Variants in BIRC6 observed in about 807,000 individuals in gnomAD.
BIRC6 encodes the protein dual E2 ubiquitin-conjugating enzyme/E3 ubiquitin-protein ligase BIRC6.
BIRC6 carries 98 observed loss-of-function variants against 503.3 expected under a neutral mutation model. The observed-to-expected ratio is 0.19, with a 90% CI of 0.17 to 0.23. BIRC6 has a LOEUF of 0.23. Among genes scored for constraint, BIRC6 ranks in the 10% least tolerant of loss-of-function variants. The pLI is 1.00. For synonymous variants in BIRC6, 2,240 were observed against 2,078.7 expected (o/e 1.08, Z -2.11); for missense variants, 5,360 against 5,806.0 (o/e 0.92, Z 2.50).
chr2:32,568,406 T>A (rs2059680325), intron 65 of BIRC6, among the ~76,000 whole-genome samples: 1 of 139,082 alleles, frequency 7.2e-6, no homozygotes, highest in Non-Finnish European at 1.5e-5. Flanking sequence ...GGCAGGAGGA[T>A]CCTTGAGCCC....
At chr2:32,414,166 A>G (rs1003287202) in intron 9 of BIRC6, among the ~76,000 whole-genome samples, 3 of 151,980 alleles carry the variant, frequency 2.0e-5, no homozygotes, top group Non-Finnish European at 2.9e-5. Context: ...TGGCACAGCT[A>G]TTCTTGCGGC....
At chr2:32,500,132 T>C in intron 46 of BIRC6, 23 bp downstream of exon 46, 1 of 1,547,828 alleles carries the variant, frequency 6.5e-7, no homozygotes, top group South Asian at 1.2e-5. Flanking sequence ...AATATTAATC[T>C]TACCATTGTC....
At chr2:32,529,893 T>C (rs1019283709) in intron 60 of BIRC6, 69 bp downstream of exon 60, 1 of 947,814 alleles carries the variant, frequency 1.1e-6, no homozygotes. Flanking sequence ...CTATAGCTAA[T>C]GACTTAATTG....
intron 61 of BIRC6, among the ~76,000 whole-genome samples, chr2:32,538,077 A>G (rs2057378328): frequency 6.6e-6 from 1 of 152,200 alleles, no homozygotes; most frequent in African/African-American, 2.4e-5. Flanking sequence ...CAATTCAGTA[A>G]TATTAGCGTC....
Position 32,357,541 on chromosome 2 carries a change from C to G in BIRC6, c.325+55C>G. On this transcript the variant is annotated intron_variant, in intron 1 of 73. Coordinates refer to ENST00000421745, the MANE Select transcript of BIRC6 (RefSeq NM_016252.4). This position sits in a 1 kb window ranked among gnomAD's most constrained non-coding sequence, Gnocchi z 4.9. ...AAGCCGGGGAAAGAAGCCGTCCAGCCCCGGGGCTCGGCCTCGCGACTCGGG... is the reference window on the plus strand; with the variant it reads ...AAGCCGGGGAAAGAAGCCGTCCAGCGCCGGGGCTCGGCCTCGCGACTCGGG... The G allele has an allele frequency of 6.6e-7, 1 of 1,513,836 alleles. No homozygotes were observed. Among genetic ancestry groups the G allele is most frequent in the South Asian group, 1.2e-5 (1 of 80,984 alleles). 93.8% of individuals were successfully genotyped at this position (1,513,836 alleles called of 1,614,324 possible).
At chr2:32,371,625 C>T (rs575010457) in intron 1 of BIRC6, among the ~76,000 whole-genome samples, 6 of 152,118 alleles carry the variant, frequency 3.9e-5, no homozygotes, top group South Asian at 2.1e-4. Context: ...TCAGGCAATC[C>T]GCCCGCCTCG....
At position 32,524,942 on chromosome 2, in the gene BIRC6, A is replaced by C. The variant is rs1359425430; in HGVS notation, c.11678A>C (p.Lys3893Thr). The C allele has an allele frequency of 1.3e-6, 2 of 1,535,850 alleles. No individual in the cohort carries two copies. The highest frequency in any genetic ancestry group is 1.8e-6 in the Non-Finnish European group (2 of 1,140,138). Residue 3893 changes from lysine (K) to threonine (T), a missense_variant, in exon 58 of 74, where the codon AAG becomes ACG. This residue lies in a region of BIRC6 where 878 missense variants were observed against 928.9 expected (regional missense o/e 0.95). Transcript: ENST00000421745. ...AGTGAACAAAAAGATGACAAAGAAA[A>C]GAAAAACCATGAAGAGAAAGAAAAA... is the stretch of plus-strand genomic sequence containing the variant. ...LISEQKDDKE[K>T]KNHEEKEKVK... is the part of the protein sequence containing the mutation.
intron 51 of BIRC6, 131 bp from the exon 52 acceptor site, chr2:32,509,607 T>G: frequency 9.5e-7 from 1 of 1,048,854 alleles, no homozygotes; most frequent in Middle Eastern, 3.1e-4. Context: ...TGCAGCATTC[T>G]AAAAAAACAT....
At chr2:32,535,727 C>T (rs1241909477) in intron 61 of BIRC6, among the ~76,000 whole-genome samples, 1 of 152,158 alleles carries the variant, frequency 6.6e-6, no homozygotes, top group Non-Finnish European at 1.5e-5. Context: ...TGGCTTGGTT[C>T]CAAGTCTTTG....
intron 45 of BIRC6, among the ~76,000 whole-genome samples, chr2:32,495,603 G>A (rs2052341065): frequency 6.6e-6 from 1 of 152,026 alleles, no homozygotes; most frequent in Non-Finnish European, 1.5e-5. Context: ...AAAAGCAGAA[G>A]TTTTAAAATT....
At position 32,439,412 on chromosome 2, in the gene BIRC6, TG is replaced by T. The variant is rs1305562894; in HGVS notation, c.3632-95del. The stretch of plus-strand genomic sequence containing the variant: ...GAAAGTTCTGGCCTACTGTACTTTT[TG>T]TGGAGTTAGTTGTTGATCTTGTTCT... On this transcript the variant is annotated intron_variant, in intron 15 of 73. Coordinates refer to ENST00000421745, the MANE Select transcript of BIRC6 (RefSeq NM_016252.4). 4.9e-6 allele frequency: 6 copies of T among 1,225,698 alleles called. No homozygotes were observed. In the African/African-American group the frequency reaches 9.1e-5, roughly 19 times the overall value. 75.9% of individuals were successfully genotyped at this position (1,225,698 alleles called of 1,614,324 possible).
chr2:32,529,707 C>A lies in BIRC6; in HGVS notation c.11977C>A (p.Arg3993=). The change falls in exon 60 of 74, where the codon CGA becomes AGA. Residue 3993 remains arginine, a synonymous_variant. Coordinates refer to ENST00000421745, the MANE Select transcript of BIRC6 (RefSeq NM_016252.4). Reference sequence around the variant, plus strand: ...CCAGCTTTTAACTCTCCTATATGACCGAAAACTTCCTCAGGGTTACCGCTC... The same window carrying A: ...CCAGCTTTTAACTCTCCTATATGACAGAAAACTTCCTCAGGGTTACCGCTC... ...LAQLLTLLYD[R]KLPQGYRSID... 1 of 1,613,022 alleles carries A rather than the reference C, an allele frequency of 6.2e-7. No homozygotes were observed. The highest frequency in any genetic ancestry group is 1.3e-5 in the African/African-American group (1 of 74,934).
chr2:32,534,979 A>G (rs1270536244), intron 61 of BIRC6, among the ~76,000 whole-genome samples: 1 of 151,520 alleles, frequency 6.6e-6, no homozygotes, highest in Non-Finnish European at 1.5e-5. Context: ...CATGCAGGAT[A>G]TGCATGCCTG....
At chr2:32,525,123 AGC>A (rs2056147251) in intron 58 of BIRC6, 104 bp downstream of exon 58, 3 of 1,035,858 alleles carry the variant, frequency 2.9e-6, no homozygotes, top group Non-Finnish European at 4.0e-6. Flanking sequence ...TAATATAAAA[AGC>A]TGACTCGTAA....
Position 32,459,337 on chromosome 2 carries a change from C to T in BIRC6, c.4754-3857C>T, listed in dbSNP as rs576607735. Among the ~76,000 whole-genome samples the T allele has an allele frequency of 3.0e-3, 457 of 152,072 alleles. 2 individuals are homozygous for T. Among genetic ancestry groups the T allele is most frequent in the Non-Finnish European group, 5.1e-3 (350 of 68,022 alleles). ...ATTCATCTACGGGTAAAGATTTAGGCGATTTCTTCTTTTTGGCTGTTATGT... is the reference window on the plus strand; with the variant it reads ...ATTCATCTACGGGTAAAGATTTAGGTGATTTCTTCTTTTTGGCTGTTATGT... On this transcript the variant is annotated intron_variant, in intron 23 of 73. Transcript: ENST00000421745.
intron 66 of BIRC6, chr2:32,590,847 G>C (rs762061921): frequency 1.0e-6 from 1 of 985,694 alleles, no homozygotes; most frequent in Non-Finnish European, 1.2e-6. Context: ...ACAAAGCAGC[G>C]GATACCATGG....
At chr2:32,587,462 G>A (rs995739400) in intron 66 of BIRC6, among the ~76,000 whole-genome samples, 1 of 152,208 alleles carries the variant, frequency 6.6e-6, no homozygotes, top group Non-Finnish European at 1.5e-5. Context: ...TTTGGGCTAA[G>A]TGTGGCGGTT....
chr2:32,403,928 GT>G (rs55964632), intron 8 of BIRC6, among the ~76,000 whole-genome samples: 57,839 of 130,348 alleles, frequency 0.44, 10,739 homozygotes, highest in East Asian at 0.6. Context: ...ATGTGTGTGT[GT>G]TTTTTTTTTT....
Position 32,402,534 on chromosome 2 carries a change from A to C in BIRC6, c.1418+911A>C, listed in dbSNP as rs1187363188. 2.0e-5 allele frequency among the ~76,000 whole-genome samples: 3 copies of C among 152,204 alleles called. No homozygotes were observed. The East Asian group carries it at 5.8e-4, about 29-fold the overall frequency. On this transcript the variant is annotated intron_variant, in intron 8 of 73. Transcript: ENST00000421745. ...GAATAATGTAAAGTTTTATTAATGGAAATTATTTCATTAATGGAATTAGTG... is the reference window on the plus strand; with the variant it reads ...GAATAATGTAAAGTTTTATTAATGGCAATTATTTCATTAATGGAATTAGTG...
Sources: gnomAD v4.1 joint callset for allele counts (sites outside exome capture counted in the v4.1 genomes callset) on GRCh38, gnomAD v4.1.1 for gene constraint, gnomAD v4.1.1 regional missense constraint, Gnocchi (gnomAD v3.1) non-coding constraint, MANE v1.5 for transcripts, NCBI Gene and HGNC (gene_info 2026-07-23, HGNC 2026-07-21) for gene names.